Variants in SDK1 observed in about 807,000 individuals in gnomAD.
The protein encoded by SDK1 is protein sidekick-1.
A neutral mutation model predicts 245.5 loss-of-function variants in SDK1; 157 were observed. The observed-to-expected ratio is 0.64, with a 90% CI of 0.56 to 0.73. The LOEUF (loss-of-function observed/expected upper bound fraction) is 0.73. SDK1 is among the 30% of genes least tolerant of loss of function. The pLI, the probability that SDK1 is intolerant of heterozygous loss-of-function variation, is 0.00. For missense variants in SDK1, 3,583 were observed against 3,002.3 expected, an observed-to-expected ratio of 1.19 and a Z score of -4.52; for synonymous variants, 1,647 against 1,278.5, an observed-to-expected ratio of 1.29 and a Z score of -6.15.
intron 4 of SDK1, among the ~76,000 whole-genome samples, chr7:3,723,687 T>TATATACACGTACATATAC (rs1778896786): frequency 6.6e-6 from 1 of 151,588 alleles, no homozygotes; most frequent in Non-Finnish European, 1.5e-5. Flanking sequence ...TGTATACGTG[T>TATATACACGTACATATAC]ATATACACGT....
intron 1 of SDK1, among the ~76,000 whole-genome samples, chr7:3,360,835 T>TG (rs1282761891): frequency 1.3e-5 from 2 of 151,802 alleles, no homozygotes; most frequent in Non-Finnish European, 2.9e-5. Context: ...TGGGAGATAG[T>TG]GGGGGGAGTT....
At chr7:4,056,142 AAAT>A (rs1208677499) in intron 19 of SDK1, among the ~76,000 whole-genome samples, 3 of 147,498 alleles carry the variant, frequency 2.0e-5, no homozygotes, top group Middle Eastern at 3.4e-3. Context: ...AGAAAACTGG[AAAT>A]AATCTCAATT....
intron 4 of SDK1, among the ~76,000 whole-genome samples, chr7:3,754,539 A>C (rs1261786402): frequency 6.6e-6 from 1 of 152,020 alleles, no homozygotes; most frequent in East Asian, 1.9e-4. Context: ...TTACTCCAAA[A>C]GTTGATTCTC....
chr7:3,581,001 C>A (rs55786172), intron 1 of SDK1, among the ~76,000 whole-genome samples: 33,474 of 91,294 alleles, frequency 0.37, 6,101 homozygotes, highest in South Asian at 0.51. Flanking sequence ...AAAACCAAAA[C>A]AAAACCCTGG....
intron 4 of SDK1, among the ~76,000 whole-genome samples, chr7:3,671,523 T>C (rs1783700211): frequency 6.6e-6 from 1 of 152,240 alleles, no homozygotes; most frequent in South Asian, 2.1e-4. Flanking sequence ...CCCTTCTTTC[T>C]CAATATAGCT....
At chr7:3,321,784 C>CCTTG (rs1779816265) in intron 1 of SDK1, among the ~76,000 whole-genome samples, 1 of 68,532 alleles carries the variant, frequency 1.5e-5, no homozygotes, top group Non-Finnish European at 2.7e-5. Flanking sequence ...CCTTCTCCTT[C>CCTTG]CTTCCTTCCT....
chr7:4,261,178 G>A (rs939305588), intron 44 of SDK1, among the ~76,000 whole-genome samples: 1 of 152,100 alleles, frequency 6.6e-6, no homozygotes, highest in Non-Finnish European at 1.5e-5. Context: ...ACAGGGCTCC[G>A]GGACAGATCC....
intron 5 of SDK1, among the ~76,000 whole-genome samples, chr7:3,879,530 A>T (rs1225196566): frequency 4.6e-5 from 7 of 152,164 alleles, no homozygotes; most frequent in Non-Finnish European, 8.8e-5. Flanking sequence ...GCTGTGCTTC[A>T]GAACCTTGGC....
At chr7:3,957,782 A>G (rs1026085687) in intron 7 of SDK1, among the ~76,000 whole-genome samples, 4 of 152,232 alleles carry the variant, frequency 2.6e-5, no homozygotes, top group Admixed American at 1.3e-4. Context: ...AAAGGTAGAC[A>G]TTAAATGCTG....
chr7:4,038,082 A>T (rs562461177), intron 17 of SDK1, among the ~76,000 whole-genome samples: 2 of 152,288 alleles, frequency 1.3e-5, no homozygotes, highest in South Asian at 4.1e-4. Context: ...ACCTTCACTG[A>T]GAACTGCCTG....
chr7:3,675,736 C>T (rs1412404418), intron 4 of SDK1, among the ~76,000 whole-genome samples: 1 of 152,120 alleles, frequency 6.6e-6, no homozygotes, highest in African/African-American at 2.4e-5. Flanking sequence ...ACTGTATTGC[C>T]CAGGCTGGTT....
intron 1 of SDK1, among the ~76,000 whole-genome samples, chr7:3,600,433 C>T (rs917860451): frequency 9.9e-5 from 15 of 151,878 alleles, no homozygotes; most frequent in Admixed American, 5.9e-4. Flanking sequence ...TATTCAGTGG[C>T]GAGACCTTCC....
At chr7:3,525,826 G>A (rs371579795) in intron 1 of SDK1, among the ~76,000 whole-genome samples, 1 of 152,236 alleles carries the variant, frequency 6.6e-6, no homozygotes. Flanking sequence ...ATCAATTTTA[G>A]TGTAATAATT....
chr7:3,479,484 A>T (rs1743786059), intron 1 of SDK1, among the ~76,000 whole-genome samples: 1 of 152,052 alleles, frequency 6.6e-6, no homozygotes, highest in Middle Eastern at 3.4e-3. Context: ...GGGCTCTAAA[A>T]ATATCTGTTA....
At chr7:3,411,595 C>T (rs903354286) in intron 1 of SDK1, among the ~76,000 whole-genome samples, 1 of 152,098 alleles carries the variant, frequency 6.6e-6, no homozygotes, top group Admixed American at 6.6e-5. Flanking sequence ...GTGATACTTC[C>T]CAGCAAATCT....
chr7:3,923,221 G>C (rs552365419), intron 5 of SDK1, among the ~76,000 whole-genome samples: 2 of 151,984 alleles, frequency 1.3e-5, no homozygotes, highest in South Asian at 4.2e-4. Context: ...TAAATGTTCT[G>C]TTTCATAAGG....
At chr7:3,751,121 C>G (rs981331886) in intron 4 of SDK1, among the ~76,000 whole-genome samples, 1 of 152,230 alleles carries the variant, frequency 6.6e-6, no homozygotes, top group East Asian at 1.9e-4. Flanking sequence ...CCCACTCTTC[C>G]TCCAGTCGCT....
At chr7:4,002,247 C>T (rs371005631) in intron 14 of SDK1, among the ~76,000 whole-genome samples, 1 of 58 alleles carries the variant, frequency 0.017, no homozygotes, top group Non-Finnish European at 0.031. Flanking sequence ...GTCTGGGCTC[C>T]AGCCGGAGGG....
intron 8 of SDK1, 146 bp from the exon 9 acceptor site, chr7:3,962,511 A>G (rs1381334631): frequency 3.0e-6 from 2 of 677,718 alleles, no homozygotes; most frequent in East Asian, 2.9e-5. Flanking sequence ...AACGAGAAAA[A>G]TAGCTCCTTA....
Sources: gnomAD v4.1 joint callset for allele counts (sites outside exome capture counted in the v4.1 genomes callset) on GRCh38, gnomAD v4.1.1 for gene constraint, MANE v1.5 for transcripts, NCBI Gene and HGNC (gene_info 2026-07-23, HGNC 2026-07-21) for gene names.